Variants in HTR2C observed in about 807,000 individuals in gnomAD.
HTR2C encodes 5-hydroxytryptamine receptor 2C, also known as 5-hydroxytryptamine (serotonin) receptor 2C, G protein-coupled.
Under a neutral mutation model 21.0 loss-of-function variants are expected in HTR2C, and 5 were observed. The observed-to-expected ratio is 0.24, with a 90% CI of 0.12 to 0.50. The LOEUF is 0.50. Ranked by LOEUF, HTR2C falls within the 20% of genes least tolerant of loss-of-function variation. The pLI is 0.98. For missense variants in HTR2C, 271 were observed against 371.2 expected, an observed-to-expected ratio of 0.73 and a Z score of 2.22; for synonymous variants, 150 against 145.3, an observed-to-expected ratio of 1.03 and a Z score of -0.23.
chrX:114,819,441 A>G (rs782008821), intron 4 of HTR2C, among the ~76,000 whole-genome samples: 2 of 112,470 alleles, frequency 1.8e-5, no homozygotes, highest in Non-Finnish European at 3.8e-5. Flanking sequence ...CAGGTTAGCT[A>G]AACATACATA....
At position 114,816,056 on chromosome X, in the gene HTR2C, G is replaced by A. The variant is rs370473690; in HGVS notation, c.350-31947G>A. Among the ~76,000 whole-genome samples, 5 of 110,872 alleles carry A rather than the reference G, an allele frequency of 4.5e-5. No homozygotes were observed. In the East Asian group the frequency reaches 1.1e-3, roughly 25 times the overall value. ...AAGAGAATTAAGTATATCATACACA[G>A]TACTCCCAGAACATCATGTGTACTG... is the stretch of plus-strand genomic sequence containing the variant. On this transcript the variant is annotated intron_variant, in intron 4 of 5. Coordinates refer to ENST00000276198, the MANE Select transcript of HTR2C (RefSeq NM_000868.4).
intron 2 of HTR2C, among the ~76,000 whole-genome samples, chrX:114,650,654 T>C (rs1164368292): frequency 8.9e-6 from 1 of 112,361 alleles, no homozygotes; most frequent in African/African-American, 3.2e-5. Context: ...GCATTATTAC[T>C]GTATACAATT....
At chrX:114,726,483 G>A (rs912375836) in intron 2 of HTR2C, among the ~76,000 whole-genome samples, 34 of 112,616 alleles carry the variant, frequency 3.0e-4, no homozygotes, top group African/African-American at 8.4e-4. Context: ...CTTCTGCGTC[G>A]CTCACGCTGG....
chrX:114,862,782 T>C (rs1046284751), intron 5 of HTR2C, among the ~76,000 whole-genome samples: 9 of 111,164 alleles, frequency 8.1e-5, no homozygotes, highest in Admixed American at 7.7e-4. Context: ...TCTTCTCATC[T>C]AGCTATTTTA....
chrX:114,684,412 C>T (rs971963363), intron 2 of HTR2C, among the ~76,000 whole-genome samples: 8 of 111,930 alleles, frequency 7.1e-5, no homozygotes, highest in African/African-American at 2.3e-4. Flanking sequence ...GAGGCATTGC[C>T]TATTCTGAAA....
intron 4 of HTR2C, among the ~76,000 whole-genome samples, chrX:114,747,793 G>A (rs2069720565): frequency 8.9e-6 from 1 of 112,342 alleles, no homozygotes; most frequent in Non-Finnish European, 1.9e-5. Context: ...TCCAATGTGG[G>A]TCCCAGGCCT....
chrX:114,879,012 A>G (rs2071160362), intron 5 of HTR2C, among the ~76,000 whole-genome samples: 1 of 110,272 alleles, frequency 9.1e-6, no homozygotes, highest in African/African-American at 3.3e-5. Flanking sequence ...TGTTCATAGT[A>G]CTATTTAGGT....
intron 4 of HTR2C, among the ~76,000 whole-genome samples, chrX:114,807,825 A>G (rs1035786102): frequency 9.1e-6 from 1 of 109,620 alleles, no homozygotes; most frequent in Non-Finnish European, 1.9e-5. Context: ...GGCGCATACC[A>G]CCACGCCCAG....
At position 114,843,187 on chromosome X, in the gene HTR2C, G is replaced by A. The variant is rs1051475197; in HGVS notation, c.350-4816G>A. Among the ~76,000 whole-genome samples, 24 of 112,051 alleles carry A rather than the reference G, an allele frequency of 2.1e-4. No homozygotes were observed. In the Admixed American group the frequency reaches 2.2e-3, roughly 10 times the overall value. On this transcript the variant is annotated intron_variant, in intron 4 of 5. Coordinates refer to ENST00000276198, the MANE Select transcript of HTR2C (RefSeq NM_000868.4). ...AGACTTTACATCAACTGTCTCAAAT[G>A]TACTCAAAGAGCTGAAGGAAACCAT...
intron 4 of HTR2C, among the ~76,000 whole-genome samples, chrX:114,751,702 C>A (rs1028261938): frequency 1.4e-4 from 16 of 111,375 alleles, no homozygotes; most frequent in African/African-American, 5.2e-4. Flanking sequence ...AATAATTAGG[C>A]CTTTGGGTGT....
At chrX:114,861,593 A>G (rs2071006984) in intron 5 of HTR2C, among the ~76,000 whole-genome samples, 1 of 111,373 alleles carries the variant, frequency 9.0e-6, no homozygotes, top group South Asian at 3.7e-4. Context: ...TGGCTGTACT[A>G]ATCTACATCC....
At chrX:114,837,380 A>G (rs1312705041) in intron 4 of HTR2C, among the ~76,000 whole-genome samples, 4 of 112,014 alleles carry the variant, frequency 3.6e-5, no homozygotes, top group African/African-American at 9.7e-5. Flanking sequence ...ATATTTTTCC[A>G]TAAGATTTGG....
chrX:114,623,077 A>G, intron 2 of HTR2C, among the ~76,000 whole-genome samples: 1 of 112,219 alleles, frequency 8.9e-6, no homozygotes, highest in Middle Eastern at 4.6e-3. Flanking sequence ...GATATTAAAT[A>G]TGGTTATAAA....
chrX:114,792,993 C>A (rs2070249486), intron 4 of HTR2C, among the ~76,000 whole-genome samples: 2 of 111,505 alleles, frequency 1.8e-5, no homozygotes, highest in African/African-American at 6.5e-5. Context: ...CATTTAAGTT[C>A]CTTTTAAATG....
chrX:114,621,640 A>T (rs949547061), intron 2 of HTR2C, among the ~76,000 whole-genome samples: 12 of 111,242 alleles, frequency 1.1e-4, no homozygotes, highest in African/African-American at 3.9e-4. Context: ...TGTAGAAAGG[A>T]TTACAGTTGA....
At chrX:114,876,422 C>CTTTT (rs60498146) in intron 5 of HTR2C, among the ~76,000 whole-genome samples, 1,548 of 62,306 alleles carry the variant, frequency 0.025, 87 homozygotes, top group African/African-American at 0.037. Context: ...CTTTTTCTTT[C>CTTTT]TTTTTTTTTT....
At chrX:114,648,384 C>G (rs1238761548) in intron 2 of HTR2C, among the ~76,000 whole-genome samples, 3 of 111,383 alleles carry the variant, frequency 2.7e-5, no homozygotes, top group African/African-American at 9.8e-5. Context: ...GTCCTGGTCT[C>G]CATCATTATT....
At position 114,854,447 on chromosome X, in the gene HTR2C, T is replaced by C. The variant is rs2070943048; in HGVS notation, c.550+6244T>C. Among the ~76,000 whole-genome samples the C allele has an allele frequency of 2.7e-5, 3 of 111,117 alleles. No individual in the cohort carries two copies. In the South Asian group the frequency reaches 1.1e-3, roughly 41 times the overall value. ...CTTTTATAAATTTAGGGGGTACAAG[T>C]GCAGTTTTGATATATGAATATAGAG... On this transcript the variant is annotated intron_variant, in intron 5 of 5. Transcript: ENST00000276198.
At chrX:114,611,415 T>C (rs1348299288) in intron 1 of HTR2C, among the ~76,000 whole-genome samples, 5 of 112,357 alleles carry the variant, frequency 4.5e-5, no homozygotes, top group Non-Finnish European at 7.5e-5. Flanking sequence ...GCCACCAGCT[T>C]CTTCACCAAG....
Sources: gnomAD v4.1 joint callset for allele counts (sites outside exome capture counted in the v4.1 genomes callset) on GRCh38, gnomAD v4.1.1 for gene constraint, MANE v1.5 for transcripts, NCBI Gene and HGNC (gene_info 2026-07-23, HGNC 2026-07-21) for gene names.